Variants in ZNF704 observed in about 807,000 individuals in gnomAD.
ZNF704 encodes zinc finger protein 704.
In ZNF704, 10 loss-of-function variants were observed where a neutral mutation model predicts 44.7. The observed-to-expected ratio is 0.22, with a 90% CI of 0.14 to 0.38. ZNF704 has a LOEUF of 0.38. ZNF704 is among the 10% of genes least tolerant of loss of function. The probability of loss-of-function intolerance (pLI) is 1.00; values close to 1 mark genes in which losing one functional copy is unlikely to be tolerated. For synonymous variants in ZNF704, 211 were observed against 207.6 expected (o/e 1.02, Z -0.14); for missense variants, 390 against 545.5 (o/e 0.71, Z 2.84).
At chr8:80,652,053 G>C (rs557319115) in intron 7 of ZNF704, among the ~76,000 whole-genome samples, 6 of 152,280 alleles carry the variant, frequency 3.9e-5, no homozygotes, top group African/African-American at 1.4e-4. Flanking sequence ...TGAACAACCT[G>C]CTCCTGAATG....
intron 1 of ZNF704, among the ~76,000 whole-genome samples, chr8:80,854,214 C>G (rs1484394970): frequency 6.6e-6 from 1 of 152,110 alleles, no homozygotes; most frequent in Non-Finnish European, 1.5e-5. Flanking sequence ...GTCATGATGT[C>G]CAAGGATAAA....
At chr8:80,775,258 T>G (rs1807391813) in intron 2 of ZNF704, among the ~76,000 whole-genome samples, 1 of 152,198 alleles carries the variant, frequency 6.6e-6, no homozygotes, top group South Asian at 2.1e-4. Context: ...TGCAAGGAAT[T>G]TGCGGATAAG....
At chr8:80,785,959 T>A (rs1373781830) in intron 2 of ZNF704, among the ~76,000 whole-genome samples, 1 of 152,164 alleles carries the variant, frequency 6.6e-6, no homozygotes, top group Non-Finnish European at 1.5e-5. Context: ...TCTATAAATA[T>A]GTATAAACAT....
At position 80,628,714 on chromosome 8, in the gene ZNF704, C is replaced by T. The variant is rs1356491888; in HGVS notation, c.*12652G>A. On this transcript the variant is annotated 3_prime_UTR_variant, in exon 9 of 9. Coordinates refer to ENST00000327835, the MANE Select transcript of ZNF704 (RefSeq NM_001033723.3). Reference sequence around the variant, plus strand: ...TACAAGCATTACAGAACAGAAAAGTCCAAGGACCAGAAGACGATTACTAAA... The same window carrying T: ...TACAAGCATTACAGAACAGAAAAGTTCAAGGACCAGAAGACGATTACTAAA... 3 of 152,288 alleles carry T rather than the reference C, an allele frequency of 2.0e-5. No individual in the cohort carries two copies. In the East Asian group the frequency reaches 5.8e-4, roughly 29 times the overall value. 9.4% of individuals were successfully genotyped at this position (152,288 alleles called of 1,614,324 possible).
At chr8:80,790,711 AT>A (rs1807689910) in intron 2 of ZNF704, among the ~76,000 whole-genome samples, 1 of 152,076 alleles carries the variant, frequency 6.6e-6, no homozygotes, top group Non-Finnish European at 1.5e-5. Context: ...TGACACACAG[AT>A]TGAGTGGAGC....
chr8:80,861,609 CAG>C (rs1809062536), intron 1 of ZNF704, among the ~76,000 whole-genome samples: 1 of 152,090 alleles, frequency 6.6e-6, no homozygotes, highest in South Asian at 2.1e-4. Context: ...TGTTAAGAGA[CAG>C]AGACAGACAG....
intron 3 of ZNF704, among the ~76,000 whole-genome samples, chr8:80,692,192 T>C (rs192459892): frequency 6.6e-6 from 1 of 152,318 alleles, no homozygotes; most frequent in Admixed American, 6.5e-5. Flanking sequence ...CTGACCTCCT[T>C]ATTTATTGTA....
At chr8:80,881,317 C>A in the ZNF704 span, among the ~76,000 whole-genome samples, 61 of 152,286 alleles carry the variant, frequency 4.0e-4, no homozygotes, top group African/African-American at 1.4e-3. Context: ...GATGTACAAA[C>A]CACTATGCAG....
At chr8:80,675,180 A>G (rs1818344288) in intron 4 of ZNF704, among the ~76,000 whole-genome samples, 2 of 152,204 alleles carry the variant, frequency 1.3e-5, no homozygotes, top group Admixed American at 1.3e-4. Context: ...CTGGGACCTG[A>G]AAGTTGGAGA....
intron 4 of ZNF704, among the ~76,000 whole-genome samples, chr8:80,673,836 A>G (rs1411327602): frequency 6.6e-6 from 1 of 152,250 alleles, no homozygotes; most frequent in East Asian, 1.9e-4. Context: ...GCTAGAGCAG[A>G]TTACCAACCA....
chr8:80,804,907 A>G (rs1807963866), intron 2 of ZNF704, among the ~76,000 whole-genome samples: 1 of 152,136 alleles, frequency 6.6e-6, no homozygotes, highest in African/African-American at 2.4e-5. Context: ...TGAAAATTTC[A>G]TCATAGATTG....
chr8:80,823,368 G>T (rs938278456), intron 1 of ZNF704, among the ~76,000 whole-genome samples: 3 of 152,154 alleles, frequency 2.0e-5, no homozygotes, highest in Non-Finnish European at 4.4e-5. Context: ...CAGCAAGGCT[G>T]GGGGAGGGGC....
At chr8:80,646,639 G>A (rs1201969736) in intron 7 of ZNF704, among the ~76,000 whole-genome samples, 1 of 152,130 alleles carries the variant, frequency 6.6e-6, no homozygotes, top group East Asian at 1.9e-4. Flanking sequence ...AAGCTTTGGA[G>A]TTCAGTGCAT....
chr8:80,831,844 G>C (rs1808477238), intron 1 of ZNF704, among the ~76,000 whole-genome samples: 1 of 152,198 alleles, frequency 6.6e-6, no homozygotes, highest in African/African-American at 2.4e-5. Context: ...GCAGGGAAGA[G>C]CTGATGCTGA....
chr8:80,862,904 T>C (rs1021233745), intron 1 of ZNF704, among the ~76,000 whole-genome samples: 3 of 151,872 alleles, frequency 2.0e-5, no homozygotes, highest in Non-Finnish European at 2.9e-5. Context: ...AATAGAGACC[T>C]TGCTGTCTTT....
chr8:80,743,411 G>A (rs1563538232), intron 2 of ZNF704, among the ~76,000 whole-genome samples: 1 of 151,906 alleles, frequency 6.6e-6, no homozygotes, highest in African/African-American at 2.4e-5. Flanking sequence ...CACATGTAAC[G>A]ATAAATAAAT....
chr8:80,870,478 T>A (rs1032869796), intron 1 of ZNF704, among the ~76,000 whole-genome samples: 4 of 152,208 alleles, frequency 2.6e-5, no homozygotes, highest in Admixed American at 2.0e-4. Flanking sequence ...GTAAGTTCCA[T>A]CTTATCTAAT....
intron 2 of ZNF704, among the ~76,000 whole-genome samples, chr8:80,777,894 A>G (rs925363105): frequency 5.3e-5 from 8 of 152,132 alleles, no homozygotes; most frequent in East Asian, 1.9e-4. Flanking sequence ...AAAAAAAAAA[A>G]AAGAAGAAAG....
chr8:80,817,904 AC>A (rs1455681830), intron 2 of ZNF704, among the ~76,000 whole-genome samples: 1 of 152,214 alleles, frequency 6.6e-6, no homozygotes, highest in Non-Finnish European at 1.5e-5. Context: ...AAAATTAGCT[AC>A]ATATGTGTCT....
Sources: gnomAD v4.1 joint callset for allele counts (sites outside exome capture counted in the v4.1 genomes callset) on GRCh38, gnomAD v4.1.1 for gene constraint, MANE v1.5 for transcripts, NCBI Gene and HGNC (gene_info 2026-07-23, HGNC 2026-07-21) for gene names.